The following XRCC2 variants were observed in gnomAD, a reference collection of about 807,000 sequenced individuals.
The protein encoded by XRCC2 is DNA repair protein XRCC2.
In XRCC2, 24 loss-of-function variants were observed where a neutral mutation model predicts 27.3. The observed-to-expected ratio is 0.88, with a 90% CI of 0.64 to 1.24. The LOEUF (loss-of-function observed/expected upper bound fraction) is 1.24, where lower values mean the gene tolerates loss of function less well. Ranked by LOEUF, XRCC2 falls within the 50% of genes most tolerant of loss-of-function variation. The probability of loss-of-function intolerance (pLI) is 0.00; values close to 1 mark genes in which losing one functional copy is unlikely to be tolerated. For missense variants in XRCC2, 321 were observed against 325.8 expected (o/e 0.99, Z 0.11); for synonymous variants, 106 against 115.4 (o/e 0.92, Z 0.52).
At chr7:152,654,452 T>A (rs1339682008) in intron 2 of XRCC2, among the ~76,000 whole-genome samples, 1 of 152,046 alleles carries the variant, frequency 6.6e-6, no homozygotes, top group Non-Finnish European at 1.5e-5. Context: ...AAAGAGAATG[T>A]TTCAAGAAAA....
At chr7:152,666,389 T>G (rs2117005211) in intron 1 of XRCC2, among the ~76,000 whole-genome samples, 2 of 152,174 alleles carry the variant, frequency 1.3e-5, no homozygotes, top group African/African-American at 4.8e-5. Flanking sequence ...TTTTTTTACT[T>G]TTTGCAGAGA....
chr7:152,653,190 G>T (rs1040949077), intron 2 of XRCC2, among the ~76,000 whole-genome samples: 2 of 152,096 alleles, frequency 1.3e-5, no homozygotes, highest in Non-Finnish European at 2.9e-5. Context: ...TATTATAAGG[G>T]AGAATTTTCC....
rs1437735623 is a variant in XRCC2, at chr7:152,647,870, CTATCAA to C, written c.*766_*771del. 1 of 152,116 alleles carries C rather than the reference CTATCAA, an allele frequency of 6.6e-6. No individual in the cohort carries two copies. The highest frequency in any genetic ancestry group is 2.4e-5 in the African/African-American group (1 of 41,432). 9.4% of individuals were successfully genotyped at this position (152,116 alleles called of 1,614,324 possible). A position where few individuals can be genotyped will look rare whatever the true frequency, so the allele number is the denominator to read the frequency against. On this transcript the variant is annotated 3_prime_UTR_variant, in exon 3 of 3. Coordinates refer to ENST00000359321, the MANE Select transcript of XRCC2 (RefSeq NM_005431.2). ...GTTCTTTTTGCTTAGGATTGCCTTACTATCAATATTTCTTTAGATTTACTCAAGTAC... is the reference window on the plus strand; with the variant it reads ...GTTCTTTTTGCTTAGGATTGCCTTACTATTTCTTTAGATTTACTCAAGTAC...
Position 152,676,120 on chromosome 7 carries a change from C to G in XRCC2, c.-41G>C, listed in dbSNP as rs2098041021. Reference sequence around the variant, plus strand: ...GCGCAGGAGAGACTCAACTTTCCCGCCACCAACGCCATTCACCAACTGCGC... The same window carrying G: ...GCGCAGGAGAGACTCAACTTTCCCGGCACCAACGCCATTCACCAACTGCGC... On this transcript the variant is annotated 5_prime_UTR_variant, in exon 1 of 3. Transcript: ENST00000359321. 2 of 1,613,236 alleles carry G rather than the reference C, an allele frequency of 1.2e-6. No homozygotes were observed. The highest frequency in any genetic ancestry group is 1.7e-6 in the Non-Finnish European group (2 of 1,179,644).
chr7:152,667,956 A>G (rs927744310), intron 1 of XRCC2, among the ~76,000 whole-genome samples: 1 of 147,732 alleles, frequency 6.8e-6, no homozygotes, highest in African/African-American at 2.5e-5. Context: ...TGAACCCAGA[A>G]GGTGGAGGTT....
intron 2 of XRCC2, among the ~76,000 whole-genome samples, chr7:152,657,834 G>GAA (rs1457816250): frequency 1.3e-5 from 2 of 151,684 alleles, no homozygotes; most frequent in Non-Finnish European, 2.9e-5. Flanking sequence ...AATGACAAGG[G>GAA]AATTAAAATG....
intron 1 of XRCC2, among the ~76,000 whole-genome samples, chr7:152,667,927 C>T (rs531410385): frequency 6.6e-6 from 1 of 151,320 alleles, no homozygotes; most frequent in East Asian, 2.0e-4. Flanking sequence ...ACTCGGGAGG[C>T]TGAGGCAGGA....
At position 152,673,507 on chromosome 7, in the gene XRCC2, T is replaced by C. The variant is rs544331861; in HGVS notation, c.39+2534A>G. ...AACTTTATTTTCTTGAAGACCCCCA[T>C]ATGAAATGTCTTTTCCTTGATACTC... is the stretch of plus-strand genomic sequence containing the variant. On this transcript the variant is annotated intron_variant, in intron 1 of 2. Transcript: ENST00000359321. 6.6e-5 allele frequency among the ~76,000 whole-genome samples: 10 copies of C among 152,046 alleles called. No homozygotes were observed. The South Asian group carries it at 1.0e-3, about 16-fold the overall frequency.
intron 1 of XRCC2, among the ~76,000 whole-genome samples, chr7:152,671,458 A>G (rs1477360705): frequency 6.6e-6 from 1 of 152,238 alleles, no homozygotes; most frequent in Admixed American, 6.5e-5. Flanking sequence ...AAAAAGAGGT[A>G]AAAGGTATTC....
rs1387913405 is a variant in XRCC2 at position 152,649,205 on chromosome 7, T to G, written c.280A>C (p.Thr94Pro). The stretch of plus-strand genomic sequence containing the variant: ...TGGGATAGTCTGTGCTCAAGAATTG[T>G]AACTAGCCGGAGCATATCAAAGTGG... The part of the protein sequence containing the change: ...DYHFDMLRLV[T>P]ILEHRLSQSS... Residue 94 changes from threonine to proline, a missense_variant, in exon 3 of 3, where the codon ACA becomes CCA. By Grantham distance (38) the Thr-to-Pro change is conservative (BLOSUM62 -1). Transcript: ENST00000359321. 1 of 1,613,748 alleles carries G rather than the reference T, an allele frequency of 6.2e-7. No individual in the cohort carries two copies. Among genetic ancestry groups the G allele is most frequent in the Non-Finnish European group, 8.5e-7 (1 of 1,180,032 alleles).
intron 2 of XRCC2, among the ~76,000 whole-genome samples, chr7:152,656,595 A>C (rs1489636839): frequency 8.0e-6 from 1 of 125,716 alleles, no homozygotes; most frequent in Non-Finnish European, 1.9e-5. Flanking sequence ...AGTAGTTTTC[A>C]GTAAACTTTT....
At chr7:152,674,841 T>C (rs2098040232) in intron 1 of XRCC2, among the ~76,000 whole-genome samples, 1 of 146,140 alleles carries the variant, frequency 6.8e-6, no homozygotes, top group Non-Finnish European at 1.5e-5. Context: ...GTGGTTCTAC[T>C]CTTTAGGAAC....
chr7:152,670,533 G>A (rs1463279319), intron 1 of XRCC2, among the ~76,000 whole-genome samples: 1 of 152,024 alleles, frequency 6.6e-6, no homozygotes, highest in Non-Finnish European at 1.5e-5. Context: ...TACCATCAAG[G>A]TACAAACAAA....
Position 152,648,783 on chromosome 7 carries a change from C to G in XRCC2, c.702G>C (p.Leu234=), listed in dbSNP as rs2116987163. 6.2e-7 allele frequency: 1 copy of G among 1,614,142 alleles called. No homozygotes were observed. Among genetic ancestry groups the G allele is most frequent in the Non-Finnish European group, 8.5e-7 (1 of 1,180,036 alleles). The change falls in exon 3 of 3, where the codon CTG becomes CTC. Residue 234 remains leucine (L), a synonymous_variant. Transcript: ENST00000359321. ...RPYLCKAWQQ[L]VKHRMFFSKQ... ...TGGAGAAAAACATCCTGTGCTTCAC[C>G]AGTTGCTGCCATGCCTTACAGAGAT...
intron 1 of XRCC2, among the ~76,000 whole-genome samples, chr7:152,662,334 C>G (rs561004248): frequency 7.2e-5 from 11 of 151,750 alleles, no homozygotes; most frequent in Admixed American, 5.3e-4. Context: ...TAAAACCATA[C>G]GTGGAGAGAG....
chr7:152,648,920 G>T lies in XRCC2; in HGVS notation c.565C>A (p.Leu189Met), dbSNP rs774238097. ...GTTTGTGTCGTTGCAAAAAGAACCA[G>T]GCGATAGTCATTTACAAGCTTCTCT... Reference protein sequence around the residue: ...CLEKLVNDYRLVLFATTQTIM... With the variant: ...CLEKLVNDYRMVLFATTQTIM... Residue 189 changes from leucine to methionine, a missense_variant, in exon 3 of 3, where the codon CTG becomes ATG. Coordinates refer to ENST00000359321, the MANE Select transcript of XRCC2 (RefSeq NM_005431.2). 2.5e-6 allele frequency: 4 copies of T among 1,614,174 alleles called. No individual in the cohort carries two copies. The highest frequency in any genetic ancestry group is 3.4e-6 in the Non-Finnish European group (4 of 1,180,032).
chr7:152,676,124 C>A lies in XRCC2; in HGVS notation c.-45G>T, dbSNP rs1254409271. ...AGGAGAGACTCAACTTTCCCGCCAC[C>A]AACGCCATTCACCAACTGCGCAGAC... On this transcript the variant is annotated 5_prime_UTR_variant, in exon 1 of 3. Transcript: ENST00000359321. The A allele has an allele frequency of 6.2e-7, 1 of 1,613,006 alleles. No individual in the cohort carries two copies. The highest frequency in any genetic ancestry group is 1.1e-5 in the South Asian group (1 of 91,064).
rs948315481 is a variant in XRCC2, at chr7:152,647,967, T to G, written c.*675A>C. ...CTTTCTGAGATAATCTTTTAAAAGT[T>G]CCTTTGTGAAGAAATATTGGTGGTA... is the stretch of plus-strand genomic sequence containing the variant. On this transcript the variant is annotated 3_prime_UTR_variant, in exon 3 of 3. Coordinates refer to ENST00000359321, the MANE Select transcript of XRCC2 (RefSeq NM_005431.2). 6.6e-6 allele frequency: 1 copy of G among 152,252 alleles called. No homozygotes were observed. Among genetic ancestry groups the G allele is most frequent in the Non-Finnish European group, 1.5e-5 (1 of 68,044 alleles). The allele number at this position is 152,252 out of a possible 1,614,324, so 9.4% of individuals were successfully genotyped here.
chr7:152,659,934 T>G (rs2098032336), intron 2 of XRCC2, among the ~76,000 whole-genome samples: 1 of 151,704 alleles, frequency 6.6e-6, no homozygotes, highest in African/African-American at 2.4e-5. Flanking sequence ...ACATGTACAC[T>G]CATGCAATGA....
Sources: gnomAD v4.1 joint callset for allele counts (sites outside exome capture counted in the v4.1 genomes callset) on GRCh38, gnomAD v4.1.1 for gene constraint, MANE v1.5 for transcripts, NCBI Gene and HGNC (gene_info 2026-07-23, HGNC 2026-07-21) for gene names.